CDIN1: variants seen among roughly 807,000 people sequenced by gnomAD.
CDIN1 encodes CDAN1-interacting nuclease 1.
Under a neutral mutation model 45.3 loss-of-function variants are expected in CDIN1, and 33 were observed. That is an observed-to-expected ratio of 0.73 (90% CI 0.55 to 0.97). CDIN1 has a LOEUF of 0.97. CDIN1 is among the 50% of genes least tolerant of loss of function. CDIN1 has a pLI of 0.00. For missense variants in CDIN1, 303 were observed against 339.4 expected (o/e 0.89, Z 0.84); for synonymous variants, 118 against 124.4 (o/e 0.95, Z 0.34).
chr15:36,690,829 C>T (rs547705108), intron 5 of CDIN1, among the ~76,000 whole-genome samples: 5 of 152,228 alleles, frequency 3.3e-5, no homozygotes, highest in African/African-American at 1.2e-4. Flanking sequence ...GCCTAGAGAC[C>T]TGCCCTTCTC....
At chr15:36,705,774 A>G (rs1353483729) in intron 8 of CDIN1, 1 of 152,166 alleles carries the variant, frequency 6.6e-6, no homozygotes, top group Non-Finnish European at 1.5e-5. Context: ...GGGTTTTTAA[A>G]TATATACCTT....
chr15:36,741,334 C>T (rs16963978), intron 10 of CDIN1, among the ~76,000 whole-genome samples: 51 of 152,218 alleles, frequency 3.4e-4, no homozygotes, highest in African/African-American at 1.2e-3. Context: ...ACTTTACCTT[C>T]CATATTTCCT....
At chr15:36,758,240 C>T (rs1169531459) in intron 10 of CDIN1, among the ~76,000 whole-genome samples, 1 of 152,040 alleles carries the variant, frequency 6.6e-6, no homozygotes, top group Non-Finnish European at 1.5e-5. Flanking sequence ...TATAAGGGGC[C>T]TCCCTCCCCT....
chr15:36,601,487 T>C (rs550384361), intron 1 of CDIN1, among the ~76,000 whole-genome samples: 3 of 152,292 alleles, frequency 2.0e-5, no homozygotes, highest in South Asian at 4.1e-4. Context: ...AGGTGATCTG[T>C]CACCTATTAT....
At chr15:36,796,951 A>G (rs1293776013) in intron 10 of CDIN1, among the ~76,000 whole-genome samples, 1 of 152,226 alleles carries the variant, frequency 6.6e-6, no homozygotes, top group Non-Finnish European at 1.5e-5. Context: ...CTCTTTGAAG[A>G]AAAGGCAGAG....
At chr15:36,778,385 T>C (rs1050237072) in intron 10 of CDIN1, among the ~76,000 whole-genome samples, 2 of 152,212 alleles carry the variant, frequency 1.3e-5, no homozygotes, top group African/African-American at 4.8e-5. Context: ...TGGGTACTTA[T>C]CATTTTACCC....
At chr15:36,591,725 C>T (rs563625855) in intron 1 of CDIN1, 157 of 152,220 alleles carry the variant, frequency 1.0e-3, no homozygotes, top group African/African-American at 3.4e-3. Flanking sequence ...TAAAGCAAGC[C>T]GGTGTTGGAT....
intron 1 of CDIN1, among the ~76,000 whole-genome samples, chr15:36,596,281 G>A (rs981975514): frequency 6.6e-5 from 10 of 151,932 alleles, no homozygotes; most frequent in Admixed American, 2.6e-4. Flanking sequence ...CGACCTGCTG[G>A]CAAAGGAATA....
intron 10 of CDIN1, among the ~76,000 whole-genome samples, chr15:36,737,664 C>G (rs975270388): frequency 6.6e-6 from 1 of 152,152 alleles, no homozygotes; most frequent in Non-Finnish European, 1.5e-5. Flanking sequence ...GGGATCAGAT[C>G]ACTGTACCGG....
chr15:36,800,903 G>GTATATATATATATATATATA (rs1372710724), intron 10 of CDIN1, among the ~76,000 whole-genome samples: 2 of 20,022 alleles, frequency 1.0e-4, no homozygotes, highest in South Asian at 3.7e-3. Flanking sequence ...GTGTGTGTGT[G>GTATATATATATATATATATA]TGTGTGTATA....
At position 36,679,605 on chromosome 15, in the gene CDIN1, C is replaced by T. The variant is rs143674364; in HGVS notation, c.347-12080C>T. Reference sequence around the variant, plus strand: ...ATGTCTTTCCTAGTTTACCTTTTTTCAAGGAAGACATATTTTTCTTCTTTT... The same window carrying T: ...ATGTCTTTCCTAGTTTACCTTTTTTTAAGGAAGACATATTTTTCTTCTTTT... On this transcript the variant is annotated intron_variant, in intron 5 of 10. Transcript: ENST00000566621. Among the ~76,000 whole-genome samples, 1,065 of 152,152 alleles carry T rather than the reference C, an allele frequency of 7.0e-3. 15 individuals are homozygous for T. Among genetic ancestry groups the T allele is most frequent in the African/African-American group, 0.024 (999 of 41,528 alleles).
chr15:36,580,171 A>C (rs1286881904), intron 1 of CDIN1, among the ~76,000 whole-genome samples: 1 of 152,244 alleles, frequency 6.6e-6, no homozygotes, highest in African/African-American at 2.4e-5. Flanking sequence ...GCAGCCTTCC[A>C]AGGCCTTGCA....
intron 1 of CDIN1, among the ~76,000 whole-genome samples, chr15:36,587,034 T>C (rs1412300070): frequency 6.6e-6 from 1 of 152,188 alleles, no homozygotes; most frequent in Non-Finnish European, 1.5e-5. Flanking sequence ...TTTCCTTGAG[T>C]TCCCTTACCA....
intron 1 of CDIN1, among the ~76,000 whole-genome samples, chr15:36,619,848 G>A (rs1026003502): frequency 5.9e-5 from 9 of 152,032 alleles, no homozygotes; most frequent in Non-Finnish European, 8.8e-5. Flanking sequence ...GTACAAGAGC[G>A]ATTGAAGCAA....
chr15:36,584,877 A>G (rs1483075871), intron 1 of CDIN1, among the ~76,000 whole-genome samples: 1 of 152,224 alleles, frequency 6.6e-6, no homozygotes, highest in African/African-American at 2.4e-5. Context: ...AAAAATACTC[A>G]TCAACTTTAT....
Position 36,645,268 on chromosome 15 carries a change from A to G in CDIN1, c.193A>G (p.Ile65Val). 6.4e-7 allele frequency: 1 copy of G among 1,553,170 alleles called. No individual in the cohort carries two copies. Among genetic ancestry groups the G allele is most frequent in the South Asian group, 1.2e-5 (1 of 84,232 alleles). ...TGCCAAACATCATACTTCGGAAGCA[A>G]TTGAAAGTTATTACCAGAGGTATGA... Reference protein sequence around the residue: ...THAKHHTSEAIESYYQRYLNG... With the variant: ...THAKHHTSEAVESYYQRYLNG... Residue 65 changes from isoleucine (I) to valine (V), a missense_variant, in exon 3 of 11, where the codon ATT becomes GTT. Transcript: ENST00000566621.
At chr15:36,797,690 C>T (rs184347471) in intron 10 of CDIN1, among the ~76,000 whole-genome samples, 102 of 152,220 alleles carry the variant, frequency 6.7e-4, no homozygotes, top group Non-Finnish European at 3.7e-4. Flanking sequence ...TTAAAAATGA[C>T]TTTCCGTGGC....
intron 10 of CDIN1, among the ~76,000 whole-genome samples, chr15:36,793,450 C>T (rs2054700846): frequency 6.6e-6 from 1 of 152,132 alleles, no homozygotes; most frequent in Non-Finnish European, 1.5e-5. Context: ...GTCACTTGAC[C>T]TCAGAGAGCC....
Position 36,697,398 on chromosome 15 carries a change from T to G in CDIN1, c.544+8T>G. ...AAAACCTGTCCTTCCTAGGTAAGTA[T>G]TATTCACATCTTCTCTAGCTTGTGT... On this transcript the variant is annotated splice_region_variant and intron_variant, in intron 8 of 10. Transcript: ENST00000566621. 1 of 1,603,514 alleles carries G rather than the reference T, an allele frequency of 6.2e-7. No homozygotes were observed. The highest frequency in any genetic ancestry group is 1.1e-5 in the South Asian group (1 of 89,830).
Sources: allele counts gnomAD v4.1 joint callset (sites outside exome capture counted in the v4.1 genomes callset), GRCh38; gene constraint gnomAD v4.1.1; transcripts MANE v1.5; gene names NCBI Gene and HGNC (gene_info 2026-07-23, HGNC 2026-07-21).